The following DPP6 variants were observed in gnomAD, a reference collection of about 807,000 sequenced individuals.
The protein encoded by DPP6 is dipeptidyl peptidase like 6, also known as A-type potassium channel modulatory protein DPP6.
Under a neutral mutation model 122.6 loss-of-function variants are expected in DPP6, and 69 were observed. That is an observed-to-expected ratio of 0.56 (90% confidence interval 0.46 to 0.69). The LOEUF is 0.69. Ranked by LOEUF, DPP6 falls within the 30% of genes least tolerant of loss-of-function variation. The pLI, the probability that DPP6 is intolerant of heterozygous loss-of-function variation, is 0.00. For missense variants in DPP6, 928 were observed against 1,116.9 expected (o/e 0.83, Z 2.41); for synonymous variants, 418 against 433.1 (o/e 0.97, Z 0.43).
At chr7:154,385,194 C>T (rs978702272) in intron 1 of DPP6, among the ~76,000 whole-genome samples, 1 of 152,182 alleles carries the variant, frequency 6.6e-6, no homozygotes, top group South Asian at 2.1e-4. Context: ...TGGTCTTGAT[C>T]TCCTGACCTC....
chr7:154,672,150 C>T (rs1838608014), intron 7 of DPP6, among the ~76,000 whole-genome samples: 1 of 152,094 alleles, frequency 6.6e-6, no homozygotes, highest in Non-Finnish European at 1.5e-5. Context: ...CTGATGGTTT[C>T]CCCCTTTGCT....
rs551009481 is a variant in DPP6, at chr7:154,613,467, A to G, written c.628-24354A>G. ...AAACCCCGTCTCTACTGAAAATACA[A>G]AATTAGCCAGGCATGGTGGTGCATG... On this transcript the variant is annotated intron_variant, in intron 5 of 25. Coordinates refer to ENST00000377770, the MANE Select transcript of DPP6 (RefSeq NM_130797.4). Among the ~76,000 whole-genome samples the G allele has an allele frequency of 2.6e-5, 4 of 151,926 alleles. No homozygotes were observed. The East Asian group carries it at 7.8e-4, about 30-fold the overall frequency.
intron 5 of DPP6, among the ~76,000 whole-genome samples, chr7:154,583,273 C>A (rs1470317431): frequency 6.6e-6 from 1 of 152,220 alleles, no homozygotes; most frequent in African/African-American, 2.4e-5. Context: ...AGGTCGGTTT[C>A]TGGTGACGGC....
At chr7:154,073,301 C>T (rs541828885) in intron 1 of DPP6, among the ~76,000 whole-genome samples, 2 of 152,314 alleles carry the variant, frequency 1.3e-5, no homozygotes, top group East Asian at 3.9e-4. Flanking sequence ...CTCCTTCCTT[C>T]TGTTTAGGAT....
At chr7:153,903,034 C>A (rs747085792) in intron 1 of DPP6, among the ~76,000 whole-genome samples, 25 of 152,172 alleles carry the variant, frequency 1.6e-4, no homozygotes, top group Non-Finnish European at 3.7e-4. Context: ...GTAAGAGGAA[C>A]TGGAGCCTGT....
the DPP6 span, among the ~76,000 whole-genome samples, chr7:153,819,836 G>C: frequency 3.8e-3 from 580 of 152,118 alleles, 2 homozygotes; most frequent in African/African-American, 0.013. Context: ...ATCAGTATTT[G>C]TTTCAGGAAT....
At chr7:154,541,987 G>A (rs570932882) in intron 4 of DPP6, among the ~76,000 whole-genome samples, 2 of 152,254 alleles carry the variant, frequency 1.3e-5, no homozygotes, top group South Asian at 4.1e-4. Flanking sequence ...ATGCTGTGCT[G>A]CCTTCTTTTC....
chr7:154,722,619 G>T (rs1841875430), intron 7 of DPP6, among the ~76,000 whole-genome samples: 1 of 152,184 alleles, frequency 6.6e-6, no homozygotes, highest in South Asian at 2.1e-4. Flanking sequence ...ATAAATCAGG[G>T]GCGGCAGCAG....
chr7:154,848,554 T>G lies in DPP6; in HGVS notation c.1667-5226T>G, dbSNP rs994083384. ...AGTAGTTTGAATTCCTTACATATTT[T>G]GGTTATTAGCCCCTTATGTGATATA... On this transcript the variant is annotated intron_variant, in intron 16 of 25. Transcript: ENST00000377770. 5.9e-5 allele frequency among the ~76,000 whole-genome samples: 9 copies of G among 152,270 alleles called. No individual in the cohort carries two copies. The South Asian group carries it at 1.4e-3, about 24-fold the overall frequency.
chr7:154,496,680 G>A (rs142787809), intron 3 of DPP6, among the ~76,000 whole-genome samples: 73 of 152,298 alleles, frequency 4.8e-4, no homozygotes, highest in East Asian at 1.9e-4. Context: ...CTGCCCCATC[G>A]TTACCATCCA....
At chr7:153,772,558 A>G in the DPP6 span, among the ~76,000 whole-genome samples, 7 of 152,278 alleles carry the variant, frequency 4.6e-5, no homozygotes, top group Non-Finnish European at 1.0e-4. Flanking sequence ...GAAAAAAGAA[A>G]CAAAGACAAA....
At chr7:154,436,941 C>T (rs1193528125) in intron 1 of DPP6, among the ~76,000 whole-genome samples, 1 of 152,210 alleles carries the variant, frequency 6.6e-6, no homozygotes, top group Non-Finnish European at 1.5e-5. Context: ...ATCTATGTCA[C>T]TTAAAATTAT....
At chr7:154,143,915 AG>A (rs1795966003) in intron 1 of DPP6, among the ~76,000 whole-genome samples, 1 of 152,144 alleles carries the variant, frequency 6.6e-6, no homozygotes, top group African/African-American at 2.4e-5. Context: ...CCTTAGGATA[AG>A]ATTTTTCACA....
Position 154,512,484 on chromosome 7 carries a change from T to C in DPP6, c.458-28048T>C, listed in dbSNP as rs1826166295. Among the ~76,000 whole-genome samples the C allele has an allele frequency of 2.0e-5, 3 of 152,156 alleles. No homozygotes were observed. The South Asian group carries it at 6.2e-4, about 32-fold the overall frequency. On this transcript the variant is annotated intron_variant, in intron 3 of 25. Transcript: ENST00000377770. ...TTTGACTGTTAAAGCCCTTTGCTCA[T>C]GGGTGAAGAAAAGAGAATGGCAAGT...
chr7:154,250,079 G>A lies in DPP6; in HGVS notation c.244-196135G>A, dbSNP rs562050179. Among the ~76,000 whole-genome samples, 35 of 152,022 alleles carry A rather than the reference G, an allele frequency of 2.3e-4. 1 individual carries two copies. The highest frequency in any genetic ancestry group is 2.3e-3 in the South Asian group (11 of 4,816). On this transcript the variant is annotated intron_variant, in intron 1 of 25. Coordinates refer to ENST00000377770, the MANE Select transcript of DPP6 (RefSeq NM_130797.4). ...CCTGTTCTGTTCCGTTCTAATTACC[G>A]GTGCATGCAGCCCCCAGTCACATAC...
Position 154,175,653 on chromosome 7 carries a change from C to T in DPP6, c.243+122590C>T, listed in dbSNP as rs114331063. Among the ~76,000 whole-genome samples, 793 of 151,970 alleles carry T rather than the reference C, an allele frequency of 5.2e-3. 7 individuals carry two copies. Among genetic ancestry groups the T allele is most frequent in the African/African-American group, 0.018 (753 of 41,452 alleles). On this transcript the variant is annotated intron_variant, in intron 1 of 25. Coordinates refer to ENST00000377770, the MANE Select transcript of DPP6 (RefSeq NM_130797.4). ...TTTGTTTTGGCCGCAACAGAGCACT[C>T]CTACACCTACCATTCACTGGCAGAT...
intron 8 of DPP6, among the ~76,000 whole-genome samples, chr7:154,762,579 T>C (rs770912134): frequency 3.9e-5 from 6 of 152,220 alleles, no homozygotes; most frequent in Non-Finnish European, 7.3e-5. Context: ...CCCGATGGCC[T>C]TGCTTCCACT....
intron 1 of DPP6, among the ~76,000 whole-genome samples, chr7:154,060,756 GT>G (rs1801707373): frequency 8.0e-6 from 1 of 125,584 alleles, no homozygotes. Context: ...CTGAGAGCCA[GT>G]CCCTCTTCCC....
At chr7:154,125,190 C>T (rs560036209) in intron 1 of DPP6, among the ~76,000 whole-genome samples, 305 of 152,166 alleles carry the variant, frequency 2.0e-3, no homozygotes, top group Non-Finnish European at 3.6e-3. Context: ...AAATGGGAGA[C>T]GAGGGAGACA....
Sources: allele counts gnomAD v4.1 joint callset (sites outside exome capture counted in the v4.1 genomes callset), GRCh38; gene constraint gnomAD v4.1.1; transcripts MANE v1.5; gene names NCBI Gene and HGNC (gene_info 2026-07-23, HGNC 2026-07-21).